Variants in ST7 observed in about 807,000 individuals in gnomAD.
ST7 encodes suppressor of tumorigenicity 7 protein.
Under a neutral mutation model 78.7 loss-of-function variants are expected in ST7, and 28 were observed. That is an observed-to-expected ratio of 0.36 (90% confidence interval 0.26 to 0.49). The LOEUF is 0.49. Among genes scored for constraint, ST7 ranks in the 20% least tolerant of loss-of-function variants. The probability of loss-of-function intolerance (pLI) is 0.99; values close to 1 mark genes in which losing one functional copy is unlikely to be tolerated. For synonymous variants in ST7, 247 were observed against 249.6 expected (o/e 0.99, Z 0.10); for missense variants, 418 against 696.0 (o/e 0.60, Z 4.49).
At chr7:117,224,292 C>G (rs1018811697) in intron 15 of ST7, among the ~76,000 whole-genome samples, 1 of 152,148 alleles carries the variant, frequency 6.6e-6, no homozygotes, top group African/African-American at 2.4e-5. Context: ...AACCAACTAC[C>G]TGCTTTTTCC....
At chr7:116,968,491 GC>G (rs1793256899) in intron 1 of ST7, 3 of 434,686 alleles carry the variant, frequency 6.9e-6, no homozygotes, top group Non-Finnish European at 1.4e-5. Context: ...ACGGGTGTGC[GC>G]CACCATGCCT....
rs539337558 is a variant in ST7 at position 117,086,987 on chromosome 7, G to A, written c.152-12775G>A. On this transcript the variant is annotated intron_variant, in intron 1 of 15. Transcript: ENST00000323984. The stretch of plus-strand genomic sequence containing the variant: ...GTTTCCCCTGTGGCTTCTTATCTCC[G>A]TGGGTTACACACCCTCACCCAGGGG... Among the ~76,000 whole-genome samples the A allele has an allele frequency of 2.6e-5, 4 of 152,280 alleles. No individual in the cohort carries two copies. The South Asian group carries it at 6.2e-4, about 24-fold the overall frequency.
intron 9 of ST7, among the ~76,000 whole-genome samples, chr7:117,161,584 T>G (rs1200673508): frequency 1.9e-5 from 2 of 103,108 alleles, no homozygotes; most frequent in Non-Finnish European, 4.0e-5. Context: ...GTTTGTTTTC[T>G]TTCTTTCTTT....
chr7:117,077,114 A>G (rs1378599816), intron 1 of ST7, among the ~76,000 whole-genome samples: 4 of 152,180 alleles, frequency 2.6e-5, no homozygotes, highest in African/African-American at 7.2e-5. Flanking sequence ...AATGTCGTCA[A>G]GCTGTGTCTC....
intron 12 of ST7, among the ~76,000 whole-genome samples, chr7:117,205,975 A>C (rs946550610): frequency 1.3e-5 from 2 of 152,178 alleles, no homozygotes; most frequent in African/African-American, 4.8e-5. Context: ...GCCCTGTTCC[A>C]TTTATTTTTC....
Position 117,099,805 on chromosome 7 carries a change from C to A in ST7, c.195C>A (p.Ala65=). The change falls in exon 2 of 16, where the codon GCC becomes GCA. Residue 65 remains alanine (A), a synonymous_variant. Transcript: ENST00000323984. ...LNTLTPKFYV[A]LTGTSSLISG... ...CATTAACACCGAAGTTCTACGTGGC[C>A]CTAACAGGCACTTCCTCACTAATAT... is the stretch of plus-strand genomic sequence containing the variant. 1 of 1,613,486 alleles carries A rather than the reference C, an allele frequency of 6.2e-7. No homozygotes were observed. The highest frequency in any genetic ancestry group is 8.5e-7 in the Non-Finnish European group (1 of 1,179,768).
chr7:117,188,685 A>T (rs1809491807), intron 10 of ST7, among the ~76,000 whole-genome samples: 1 of 152,178 alleles, frequency 6.6e-6, no homozygotes, highest in Non-Finnish European at 1.5e-5. Flanking sequence ...ATAGGTTTTC[A>T]TGAGCAAAAA....
At chr7:116,990,012 C>T (rs1055480500) in intron 1 of ST7, among the ~76,000 whole-genome samples, 1 of 152,184 alleles carries the variant, frequency 6.6e-6, no homozygotes, top group Admixed American at 6.5e-5. Flanking sequence ...ACGATCTCGG[C>T]TCACTGCATC....
At chr7:117,099,088 A>C (rs923985445) in intron 1 of ST7, among the ~76,000 whole-genome samples, 1 of 148,952 alleles carries the variant, frequency 6.7e-6, no homozygotes, top group African/African-American at 2.5e-5. Context: ...AAGAAGAAGA[A>C]GGTGCTTGGC....
chr7:117,002,888 T>A (rs1269317817), intron 1 of ST7, among the ~76,000 whole-genome samples: 1 of 117,668 alleles, frequency 8.5e-6, no homozygotes, highest in African/African-American at 3.3e-5. Flanking sequence ...CAAGGGCCAA[T>A]CTCGGCTCAC....
chr7:117,105,412 C>T (rs2116842408), intron 2 of ST7, among the ~76,000 whole-genome samples: 1 of 152,290 alleles, frequency 6.6e-6, no homozygotes, highest in South Asian at 2.1e-4. Flanking sequence ...TCCCAAGTAG[C>T]TGGGACCACA....
At chr7:117,072,834 CA>C (rs1799063601) in intron 1 of ST7, 1 of 152,204 alleles carries the variant, frequency 6.6e-6, no homozygotes, top group African/African-American at 2.4e-5. Flanking sequence ...GAAAGTGACG[CA>C]GTCACTTCAG....
At chr7:117,222,732 G>A in intron 15 of ST7, 1 of 743,924 alleles carries the variant, frequency 1.3e-6, no homozygotes, top group Non-Finnish European at 2.4e-6. Flanking sequence ...TGCCACAGAT[G>A]AGTTTCAAAC....
intron 1 of ST7, among the ~76,000 whole-genome samples, chr7:117,067,375 T>C (rs1798695712): frequency 6.6e-6 from 1 of 151,990 alleles, no homozygotes; most frequent in African/African-American, 2.4e-5. Context: ...GCATTTAAAG[T>C]AGTAAAAGCA....
At chr7:117,099,944 G>T (rs1184281133) in intron 2 of ST7, 100 bp downstream of exon 2, 2 of 849,976 alleles carry the variant, frequency 2.4e-6, no homozygotes, top group Non-Finnish European at 3.5e-6. Flanking sequence ...ACACTAACAG[G>T]TTACAGTGAT....
intron 9 of ST7, among the ~76,000 whole-genome samples, chr7:117,141,292 G>A (rs533198629): frequency 7.4e-4 from 113 of 152,104 alleles, no homozygotes; most frequent in Middle Eastern, 3.4e-3. Context: ...AAGCAGAATC[G>A]TTTAAAGAAA....
chr7:117,040,725 T>C (rs1308093333), intron 1 of ST7, among the ~76,000 whole-genome samples: 1 of 152,232 alleles, frequency 6.6e-6, no homozygotes, highest in Non-Finnish European at 1.5e-5. Flanking sequence ...CAATTCCTCT[T>C]GGGAAAAACA....
intron 10 of ST7, among the ~76,000 whole-genome samples, chr7:117,187,039 A>G (rs1323174049): frequency 1.3e-5 from 2 of 152,196 alleles, no homozygotes; most frequent in Non-Finnish European, 2.9e-5. Context: ...ACCAAAACCT[A>G]TTTGAACAAC....
At chr7:116,964,117 G>A (rs1792979554) in intron 1 of ST7, among the ~76,000 whole-genome samples, 1 of 152,190 alleles carries the variant, frequency 6.6e-6, no homozygotes, top group Non-Finnish European at 1.5e-5. Flanking sequence ...TCTTAAATAA[G>A]GAAGTAGTTT....
Sources: allele counts gnomAD v4.1 joint callset (sites outside exome capture counted in the v4.1 genomes callset), GRCh38; gene constraint gnomAD v4.1.1; transcripts MANE v1.5; gene names NCBI Gene and HGNC (gene_info 2026-07-23, HGNC 2026-07-21).